GLRX: variants seen among roughly 807,000 people sequenced by gnomAD.
The protein encoded by GLRX is glutaredoxin.
A neutral mutation model predicts 11.1 loss-of-function variants in GLRX; 9 were observed. The ratio of observed to expected loss-of-function variants is 0.81; its 90% CI spans 0.49 to 1.42. The LOEUF (loss-of-function observed/expected upper bound fraction) is 1.42, where lower values mean the gene tolerates loss of function less well. GLRX is among the 40% of genes most tolerant of loss of function. The pLI is 0.00. For missense variants in GLRX, 102 were observed against 126.2 expected, an observed-to-expected ratio of 0.81 and a Z score of 0.92; for synonymous variants, 49 against 49.5, an observed-to-expected ratio of 0.99 and a Z score of 0.04.
chr5:95,819,917 A>AAAC (rs1747161332), intron 1 of GLRX, among the ~76,000 whole-genome samples: 1 of 150,558 alleles, frequency 6.6e-6, no homozygotes, highest in African/African-American at 2.5e-5. Flanking sequence ...AAAAAAAAAA[A>AAAC]AAAAACCCTC....
Position 95,822,587 on chromosome 5 carries a change from A to T in GLRX, c.76T>A (p.Cys26Ser). Reference protein sequence around the residue: ...VVFIKPTCPYCRRAQEILSQL... With the variant: ...VVFIKPTCPYSRRAQEILSQL... ...CTGAGGATCTCTTGGGCCCTCCTGC[A>T]GTACGGGCAGGTGGGCTTGATGAAC... The change falls in exon 1 of 3, where the codon TGC (cysteine) becomes AGC (serine). Residue 26 changes from cysteine (C) to serine (S), a missense_variant. Physicochemically the swap from Cys to Ser is moderately radical, Grantham distance 112. Coordinates refer to ENST00000237858, the MANE Select transcript of GLRX (RefSeq NM_001118890.2). 1 of 1,613,706 alleles carries T rather than the reference A, an allele frequency of 6.2e-7. No individual in the cohort carries two copies. The highest frequency in any genetic ancestry group is 8.5e-7 in the Non-Finnish European group (1 of 1,179,634).
At position 95,822,668 on chromosome 5, in the gene GLRX, T is replaced by A; in HGVS notation, c.-6A>T. The A allele has an allele frequency of 2.5e-6, 4 of 1,612,930 alleles. No individual in the cohort carries two copies. The highest frequency in any genetic ancestry group is 3.4e-6 in the Non-Finnish European group (4 of 1,178,990). On this transcript the variant is annotated 5_prime_UTR_variant, in exon 1 of 3. Transcript: ENST00000237858. ...TTCACAAACTCTTGAGCCATGCCGA[T>A]GGGCTGCGGTCTCCCCGGGAAGAAT...
chr5:95,820,581 T>G (rs1299835084), intron 1 of GLRX, among the ~76,000 whole-genome samples: 1 of 149,542 alleles, frequency 6.7e-6, no homozygotes, highest in Non-Finnish European at 1.5e-5. Context: ...TGGTGGCAGG[T>G]GCCCGTAATT....
chr5:95,819,862 G>A (rs1040554040), intron 1 of GLRX, among the ~76,000 whole-genome samples: 2 of 120,850 alleles, frequency 1.7e-5, no homozygotes, highest in African/African-American at 6.6e-5. Flanking sequence ...TTGCGCCATT[G>A]CACTCCAGCC....
chr5:95,819,909 A>AAAAC (rs1554071329), intron 1 of GLRX, among the ~76,000 whole-genome samples: 39 of 147,922 alleles, frequency 2.6e-4, no homozygotes, highest in African/African-American at 1.0e-3. Context: ...AAAAAAAAAA[A>AAAAC]AAAAAAAAAA....
intron 1 of GLRX, among the ~76,000 whole-genome samples, chr5:95,820,059 A>G (rs1469556213): frequency 3.3e-5 from 5 of 152,092 alleles, no homozygotes; most frequent in Non-Finnish European, 7.4e-5. Context: ...TTTTTCTAAA[A>G]ATGAAAAACA....
At chr5:95,816,041 G>T (rs1746982169) in intron 2 of GLRX, among the ~76,000 whole-genome samples, 1 of 152,120 alleles carries the variant, frequency 6.6e-6, no homozygotes, top group Non-Finnish European at 1.5e-5. Flanking sequence ...TGCCTGAAAA[G>T]CTCTTCTGCT....
In GLRX at chr5:95,816,588, T is replaced by C; in HGVS notation, c.246A>G (p.Gly82=). 7.5e-6 allele frequency: 12 copies of C among 1,609,262 alleles called. No individual in the cohort carries two copies. Among genetic ancestry groups the C allele is most frequent in the Non-Finnish European group, 1.0e-5 (12 of 1,175,598 alleles). Residue 82 remains glycine (G), a synonymous_variant, in exon 2 of 3, where the codon GGA becomes GGG. Transcript: ENST00000237858. Reference sequence around the variant, plus strand: ...GTTGCAAAGAGACTAGATCACTGCATCCGCCTATACAATCTTTACCAATAA... The same window carrying C: ...GTTGCAAAGAGACTAGATCACTGCACCCGCCTATACAATCTTTACCAATAA... The part of the protein sequence containing the change: ...RVFIGKDCIG[G]CSDLVSLQQS...
Position 95,822,442 on chromosome 5 carries a change from A to G in GLRX, c.207+14T>C. 1 of 1,603,368 alleles carries G rather than the reference A, an allele frequency of 6.2e-7. No homozygotes were observed. The highest frequency in any genetic ancestry group is 8.5e-7 in the Non-Finnish European group (1 of 1,170,148). The stretch of plus-strand genomic sequence containing the variant: ...TCCGGGAGCCTTTCCCTAGCCGTTT[A>G]AAATGAAACTCACCGTTCTTGCTCC... On this transcript the variant is annotated intron_variant, in intron 1 of 2. Transcript: ENST00000237858.
chr5:95,816,445 C>A, intron 2 of GLRX, 62 bp downstream of exon 2: 1 of 839,910 alleles, frequency 1.2e-6, no homozygotes, highest in Non-Finnish European at 2.1e-6. Flanking sequence ...GTATAACAAA[C>A]CACGACAGAA....
In GLRX at chr5:95,813,898, C is replaced by A. The variant is rs1320842841; in HGVS notation, c.*498G>T. ...ATAATGGCAGGGCCAAATATAAACA[C>A]AGTTTTAAGTTAGTGTATTTCGCAT... On this transcript the variant is annotated 3_prime_UTR_variant, in exon 3 of 3. Coordinates refer to ENST00000237858, the MANE Select transcript of GLRX (RefSeq NM_001118890.2). 6.6e-6 allele frequency: 1 copy of A among 152,176 alleles called. No individual in the cohort carries two copies. The highest frequency in any genetic ancestry group is 1.5e-5 in the Non-Finnish European group (1 of 68,038). The allele number at this position is 152,176 out of a possible 1,614,324, so 9.4% of individuals were successfully genotyped here.
At chr5:95,821,627 A>G (rs567855866) in intron 1 of GLRX, among the ~76,000 whole-genome samples, 1 of 152,326 alleles carries the variant, frequency 6.6e-6, no homozygotes, top group African/African-American at 2.4e-5. Context: ...GACATTTCTC[A>G]TCCCACCTCA....
At chr5:95,822,160 C>A (rs1747263064) in intron 1 of GLRX, 1 of 458,940 alleles carries the variant, frequency 2.2e-6, no homozygotes, top group East Asian at 4.0e-5. Context: ...AAAACAAAGA[C>A]TCTAGATAAT....
At chr5:95,821,793 C>G (rs934519281) in intron 1 of GLRX, among the ~76,000 whole-genome samples, 5 of 152,130 alleles carry the variant, frequency 3.3e-5, no homozygotes, top group South Asian at 4.1e-4. Flanking sequence ...CTGAGGTCAC[C>G]TAATCTGGTC....
At chr5:95,814,656 A>G (rs953158639) in intron 2 of GLRX, 2 of 152,578 alleles carry the variant, frequency 1.3e-5, no homozygotes, top group Middle Eastern at 3.4e-3. Context: ...AGGTAGAGAC[A>G]TGCCGACACA....
chr5:95,816,617 C>T lies in GLRX; in HGVS notation c.217G>A (p.Val73Ile), dbSNP rs770522704. 63 of 1,551,590 alleles carry T rather than the reference C, an allele frequency of 4.1e-5. 2 individuals are homozygous for T. In the South Asian group the frequency reaches 6.9e-4, roughly 17 times the overall value. ...CCTATACAATCTTTACCAATAAAGACTCGAGGCACCTAAAAAAGCACACGA... is the reference window on the plus strand; with the variant it reads ...CCTATACAATCTTTACCAATAAAGATTCGAGGCACCTAAAAAAGCACACGA... ...QLTGARTVPR[V>I]FIGKDCIGGC... is the part of the protein sequence containing the mutation. The change falls in exon 2 of 3, where the codon GTC becomes ATC. Residue 73 changes from valine to isoleucine, a missense_variant. Coordinates refer to ENST00000237858, the MANE Select transcript of GLRX (RefSeq NM_001118890.2).
In GLRX at chr5:95,814,160, T is replaced by C. The variant is rs1390009535; in HGVS notation, c.*236A>G. Reference sequence around the variant, plus strand: ...GTAGGGGGCTGTAAGTTTTATCAGATGTTTTACATTTCATGCTTTAATCTT... The same window carrying C: ...GTAGGGGGCTGTAAGTTTTATCAGACGTTTTACATTTCATGCTTTAATCTT... On this transcript the variant is annotated 3_prime_UTR_variant, in exon 3 of 3. Transcript: ENST00000237858. The C allele has an allele frequency of 6.6e-6, 1 of 152,544 alleles. No homozygotes were observed. The highest frequency in any genetic ancestry group is 1.5e-5 in the Non-Finnish European group (1 of 68,046). 9.4% of individuals were successfully genotyped at this position (152,544 alleles called of 1,614,324 possible). A position where few individuals can be genotyped will look rare whatever the true frequency, so the allele number is the denominator to read the frequency against.
At chr5:95,818,600 C>T (rs573155821) in intron 1 of GLRX, 18 of 152,436 alleles carry the variant, frequency 1.2e-4, no homozygotes, top group African/African-American at 3.6e-4. Context: ...CAACACTCCT[C>T]GGCTACCTCC....
At chr5:95,821,894 C>T (rs1020965507) in intron 1 of GLRX, among the ~76,000 whole-genome samples, 1 of 152,060 alleles carries the variant, frequency 6.6e-6, no homozygotes, top group Non-Finnish European at 1.5e-5. Flanking sequence ...GAACTCCAGG[C>T]TATGATTCCC....
Sources: gnomAD v4.1 joint callset for allele counts (sites outside exome capture counted in the v4.1 genomes callset) on GRCh38, gnomAD v4.1.1 for gene constraint, MANE v1.5 for transcripts, NCBI Gene and HGNC (gene_info 2026-07-23, HGNC 2026-07-21) for gene names.